The following CENPP variants were observed in gnomAD, a reference collection of about 807,000 sequenced individuals.
CENPP encodes the protein centromere protein P.
CENPP carries 24 observed loss-of-function variants against 35.6 expected under a neutral mutation model. That is an observed-to-expected ratio of 0.67 (90% CI 0.49 to 0.95). CENPP has a LOEUF of 0.95. Among genes scored for constraint, CENPP ranks in the 40% least tolerant of loss-of-function variants. CENPP has a pLI of 0.00. For synonymous variants in CENPP, 120 were observed against 125.5 expected (o/e 0.96, Z 0.29); for missense variants, 332 against 345.3 (o/e 0.96, Z 0.31).
chr9:92,600,634 C>G (rs144878221), intron 5 of CENPP: 44 of 1,485,422 alleles, frequency 3.0e-5, no homozygotes, highest in Middle Eastern at 2.4e-4. Context: ...ATGCCCTGGT[C>G]GGCCATCCCT....
intron 1 of CENPP, among the ~76,000 whole-genome samples, chr9:92,331,937 G>A: frequency 6.6e-6 from 1 of 152,116 alleles, no homozygotes; most frequent in East Asian, 1.9e-4. Context: ...GACAGCGTAA[G>A]ACCCTCATCT....
At chr9:92,556,230 AT>A (rs1849721486) in intron 5 of CENPP, among the ~76,000 whole-genome samples, 1 of 152,094 alleles carries the variant, frequency 6.6e-6, no homozygotes, top group Non-Finnish European at 1.5e-5. Context: ...TTCCAGTTTT[AT>A]TCCACTGTGG....
chr9:92,340,965 A>G (rs544098321), intron 3 of CENPP, among the ~76,000 whole-genome samples: 1 of 152,332 alleles, frequency 6.6e-6, no homozygotes, highest in South Asian at 2.1e-4. Flanking sequence ...CTCTTCTTTC[A>G]AAAGCAAATG....
intron 5 of CENPP, chr9:92,474,851 T>G (rs745665400): frequency 2.0e-5 from 32 of 1,613,828 alleles, no homozygotes; most frequent in Admixed American, 3.3e-5. Flanking sequence ...AAAGAAGGGT[T>G]TGGCAGAGCA....
intron 5 of CENPP, among the ~76,000 whole-genome samples, chr9:92,577,990 C>G (rs1187511968): frequency 6.3e-5 from 9 of 142,004 alleles, no homozygotes; most frequent in Non-Finnish European, 9.0e-5. Context: ...TGATGTTCCC[C>G]TTCCTGTGTC....
At chr9:92,411,080 C>G (rs966772376) in intron 5 of CENPP, among the ~76,000 whole-genome samples, 1 of 151,956 alleles carries the variant, frequency 6.6e-6, no homozygotes, top group Non-Finnish European at 1.5e-5. Flanking sequence ...GTTCACACCT[C>G]TCCTGCCTCA....
At chr9:92,530,656 T>G (rs1282581502) in intron 5 of CENPP, among the ~76,000 whole-genome samples, 1 of 152,210 alleles carries the variant, frequency 6.6e-6, no homozygotes, top group African/African-American at 2.4e-5. Flanking sequence ...GGAGTGCTTT[T>G]GCTATAAGAT....
intron 4 of CENPP, among the ~76,000 whole-genome samples, chr9:92,356,538 GT>G (rs1472417912): frequency 6.6e-6 from 1 of 152,178 alleles, no homozygotes; most frequent in African/African-American, 2.4e-5. Context: ...GTCCTGAGGT[GT>G]CGTACATCCT....
At chr9:92,387,034 C>T (rs866742956) in intron 5 of CENPP, among the ~76,000 whole-genome samples, 14 of 123,926 alleles carry the variant, frequency 1.1e-4, no homozygotes, top group African/African-American at 2.2e-4. Context: ...GGCAACAGAG[C>T]GAGACTCTGT....
chr9:92,437,620 A>C (rs574112505), intron 5 of CENPP, among the ~76,000 whole-genome samples: 1 of 151,580 alleles, frequency 6.6e-6, no homozygotes, highest in East Asian at 2.0e-4. Flanking sequence ...ATGTTGCCCA[A>C]GCTGATCTTG....
At chr9:92,495,392 G>A (rs1355001407) in intron 5 of CENPP, 11 of 983,890 alleles carry the variant, frequency 1.1e-5, no homozygotes, top group South Asian at 4.7e-5. Context: ...CAATTGAACC[G>A]AATAAAATGA....
intron 5 of CENPP, among the ~76,000 whole-genome samples, chr9:92,392,831 A>G (rs1842741515): frequency 6.6e-6 from 1 of 152,176 alleles, no homozygotes; most frequent in African/African-American, 2.4e-5. Context: ...AGTTGAGAAG[A>G]TATAGTTGCC....
At chr9:92,418,323 G>GT (rs1447381688) in intron 5 of CENPP, among the ~76,000 whole-genome samples, 1 of 151,792 alleles carries the variant, frequency 6.6e-6, no homozygotes, top group Admixed American at 6.6e-5. Flanking sequence ...CTGACCTCAG[G>GT]TGATCCACCC....
Position 92,570,617 on chromosome 9 carries a change from G to A in CENPP, c.565-40697G>A, listed in dbSNP as rs574510396. On this transcript the variant is annotated intron_variant, in intron 5 of 7. Transcript: ENST00000375587. ...TAAAATGAGTTAGGGAGGATTCCCT[G>A]TTTTTCTGTTGTTTGAAATGGTTCC... Among the ~76,000 whole-genome samples, 41 of 152,194 alleles carry A rather than the reference G, an allele frequency of 2.7e-4. 1 individual carries two copies. The highest frequency in any genetic ancestry group is 1.3e-4 in the Admixed American group (2 of 15,274).
At chr9:92,401,191 G>A in intron 5 of CENPP, 7 of 1,349,360 alleles carry the variant, frequency 5.2e-6, no homozygotes, top group Non-Finnish European at 7.4e-6. Context: ...TTTTCCTATT[G>A]GAAAAATAAA....
intron 5 of CENPP, among the ~76,000 whole-genome samples, chr9:92,607,027 CA>C (rs2131394557): frequency 6.6e-6 from 1 of 152,112 alleles, no homozygotes; most frequent in African/African-American, 2.4e-5. Context: ...AAAAACCACC[CA>C]AAAGTCTGTT....
At position 92,552,213 on chromosome 9, in the gene CENPP, A is replaced by ACACACACC. The variant is rs1424853839; in HGVS notation, c.565-59098_565-59097insACACCCAC. Among the ~76,000 whole-genome samples the ACACACACC allele has an allele frequency of 3.3e-5, 5 of 150,086 alleles. 1 individual carries two copies. The highest frequency in any genetic ancestry group is 1.2e-4 in the African/African-American group (5 of 40,586). Reference sequence around the variant, plus strand: ...TATACACACACACACACACACACACACACCCCACAGTTTCTTTATCCACTT... The same window carrying ACACACACC: ...TATACACACACACACACACACACACACACACACCCACCCCACAGTTTCTTTATCCACTT... On this transcript the variant is annotated intron_variant, in intron 5 of 7. Transcript: ENST00000375587.
intron 5 of CENPP, among the ~76,000 whole-genome samples, chr9:92,387,673 C>G (rs1330983476): frequency 1.3e-5 from 2 of 152,182 alleles, no homozygotes; most frequent in Non-Finnish European, 2.9e-5. Flanking sequence ...CAGTGAGTCT[C>G]ATTTACATGA....
At chr9:92,520,593 A>C (rs1367209060) in intron 5 of CENPP, among the ~76,000 whole-genome samples, 1 of 152,224 alleles carries the variant, frequency 6.6e-6, no homozygotes, top group Non-Finnish European at 1.5e-5. Flanking sequence ...ATGGCCCAAC[A>C]GTTCCCCTCC....
Sources: gnomAD v4.1 joint callset for allele counts (sites outside exome capture counted in the v4.1 genomes callset) on GRCh38, gnomAD v4.1.1 for gene constraint, MANE v1.5 for transcripts, NCBI Gene and HGNC (gene_info 2026-07-23, HGNC 2026-07-21) for gene names.